The following ZNF28 variants were observed in gnomAD, a reference collection of about 807,000 sequenced individuals.
ZNF28 encodes zinc finger protein KOX24.
A neutral mutation model predicts 7.2 loss-of-function variants in ZNF28; 5 were observed. The observed-to-expected ratio is 0.70, with a 90% CI of 0.36 to 1.46. The LOEUF is 1.46. ZNF28 is among the 40% of genes most tolerant of loss of function. The pLI is 0.03. For synonymous variants in ZNF28, 288 were observed against 292.4 expected (o/e 0.99, Z 0.15); for missense variants, 879 against 866.6 (o/e 1.01, Z -0.18).
At chr19:52,813,764 C>A (rs79092076) in intron 2 of ZNF28, among the ~76,000 whole-genome samples, 4,985 of 146,688 alleles carry the variant, frequency 0.034, 472 homozygotes, top group Middle Eastern at 0.066. Flanking sequence ...AGCAGCTCCA[C>A]TGTAAATTCC....
At position 52,818,155 on chromosome 19, in the gene ZNF28, C is replaced by A. The variant is rs566527983; in HGVS notation, c.-73-124G>T. 2.0e-4 allele frequency: 205 copies of A among 1,047,002 alleles called. No individual in the cohort carries two copies. The African/African-American group carries it at 2.6e-3, about 13-fold the overall frequency. The allele number at this position is 1,047,002 out of a possible 1,614,324, so 64.9% of individuals were successfully genotyped here. A position where few individuals can be genotyped will look rare whatever the true frequency, so the allele number is the denominator to read the frequency against. ...TGGTCCCCTATGCTGCCTACCGCACCACGAACAAAAAATTCCTACAGGAAA... is the reference window on the plus strand; with the variant it reads ...TGGTCCCCTATGCTGCCTACCGCACAACGAACAAAAAATTCCTACAGGAAA... On this transcript the variant is annotated intron_variant, in intron 1 of 3. Transcript: ENST00000457749.
Position 52,798,832 on chromosome 19 carries a change from G to T in ZNF28, c.*856C>A. The T allele has an allele frequency of 9.5e-7, 1 of 1,054,352 alleles. No homozygotes were observed. 65.3% of individuals were successfully genotyped at this position (1,054,352 alleles called of 1,614,324 possible). On this transcript the variant is annotated 3_prime_UTR_variant, in exon 4 of 4. Transcript: ENST00000457749. ...TGGTTGTAGCATTACTGAAAACTTT[G>T]TGACAATCATTATATTAGTCAAGTT...
At chr19:52,809,945 G>T in intron 2 of ZNF28, 1 of 830,800 alleles carries the variant, frequency 1.2e-6, no homozygotes, top group Non-Finnish European at 2.0e-6. Flanking sequence ...AGGTTGCCCC[G>T]GGGGGCGCAG....
At chr19:52,811,190 A>G (rs1412091777) in intron 2 of ZNF28, among the ~76,000 whole-genome samples, 1 of 150,606 alleles carries the variant, frequency 6.6e-6, no homozygotes, top group Non-Finnish European at 1.5e-5. Context: ...TCGTTCACTC[A>G]GTGCTCAATG....
At chr19:52,809,888 G>A (rs1034574524) in intron 2 of ZNF28, 3 of 781,792 alleles carry the variant, frequency 3.8e-6, no homozygotes, top group Admixed American at 2.1e-5. Flanking sequence ...CGGGATCCAG[G>A]CCGGGGCGGC....
Position 52,808,089 on chromosome 19 carries a change from C to T in ZNF28, c.60G>A (p.Glu20=). The T allele has an allele frequency of 4.3e-6, 7 of 1,613,482 alleles. No individual in the cohort carries two copies. Among genetic ancestry groups the T allele is most frequent in the South Asian group, 1.1e-5 (1 of 91,076 alleles). The stretch of plus-strand genomic sequence containing the variant: ...GAGCAGGGTCCAGGCATTTCCACTC[C>T]TCCTGAGAGAATTCTATGGCCACGT... ...FRDVAIEFSQ[E]EWKCLDPAQR... The change falls in exon 3 of 4, where the codon GAG becomes GAA. Residue 20 remains glutamate (E), a synonymous_variant. Transcript: ENST00000457749.
At chr19:52,814,626 C>A (rs563164711) in intron 2 of ZNF28, among the ~76,000 whole-genome samples, 1 of 145,136 alleles carries the variant, frequency 6.9e-6, no homozygotes, top group East Asian at 2.0e-4. Flanking sequence ...GTGGCTCACG[C>A]CTGTGATTTC....
rs757746060 is a variant in ZNF28 at position 52,801,490 on chromosome 19, A to C, written c.355T>G (p.Leu119Val). Residue 119 changes from leucine (L) to valine (V), a missense_variant, in exon 4 of 4, where the codon TTG (leucine) becomes GTG (valine). Physicochemically the swap from Leu to Val is conservative, Grantham distance 32. Around this residue, in one of 2 missense-constraint regions of ZNF28, gnomAD observed 864 missense variants for 830.2 expected, o/e 1.04. Transcript: ENST00000457749. ...TCATGTTGGCCTGTACTACCAGTCA[A>C]CTCTTTGATTTCTGTCATGGGTGCT... ...HAAPMTEIKELTGSTGQHDQR... is the reference protein window; with the variant it reads ...HAAPMTEIKEVTGSTGQHDQR... 1 of 1,613,846 alleles carries C rather than the reference A, an allele frequency of 6.2e-7. No individual in the cohort carries two copies.
At chr19:52,804,198 G>A (rs1305069269) in intron 3 of ZNF28, among the ~76,000 whole-genome samples, 1 of 152,182 alleles carries the variant, frequency 6.6e-6, no homozygotes, top group Non-Finnish European at 1.5e-5. Context: ...GCTGTCACCA[G>A]GAACCAATTT....
Position 52,800,664 on chromosome 19 carries a change from C to A in ZNF28, c.1181G>T (p.Arg394Leu), listed in dbSNP as rs763030309. ...CTTATGTCTTTCAAGATGTGATTTG[C>A]GACTGAAAACTTTTTCACATTCTTC... ...ECEECEKVFS[R>L]KSHLERHKRI... Residue 394 changes from arginine to leucine, a missense_variant, in exon 4 of 4, where the codon CGC (arginine) becomes CTC (leucine). Coordinates refer to ENST00000457749, the MANE Select transcript of ZNF28 (RefSeq NM_006969.5). 87 of 1,613,032 alleles carry A rather than the reference C, an allele frequency of 5.4e-5. No individual in the cohort carries two copies. The highest frequency in any genetic ancestry group is 1.0e-4 in the Admixed American group (6 of 59,916).
intron 2 of ZNF28, among the ~76,000 whole-genome samples, chr19:52,816,115 AG>A (rs1199532584): frequency 6.8e-6 from 1 of 147,458 alleles, no homozygotes; most frequent in East Asian, 2.0e-4. Context: ...AGGATGTGAC[AG>A]GGAAAGGAGA....
chr19:52,802,423 T>A (rs112344957), intron 3 of ZNF28, among the ~76,000 whole-genome samples: 3,215 of 151,922 alleles, frequency 0.021, 122 homozygotes, highest in African/African-American at 0.074. Context: ...CTCATGCCTG[T>A]AATCCCAGTA....
At chr19:52,810,446 A>G in intron 2 of ZNF28, 1 of 1,598,526 alleles carries the variant, frequency 6.3e-7, no homozygotes, top group Non-Finnish European at 8.6e-7. Context: ...TTGCATATAT[A>G]GAGTTCTCAA....
In ZNF28 at chr19:52,803,496, G is replaced by A. The variant is rs145752692; in HGVS notation, c.143-1794C>T. 2.7e-4 allele frequency among the ~76,000 whole-genome samples: 41 copies of A among 152,138 alleles called. No homozygotes were observed. In the East Asian group the frequency reaches 7.7e-3, roughly 29 times the overall value. On this transcript the variant is annotated intron_variant, in intron 3 of 3. Coordinates refer to ENST00000457749, the MANE Select transcript of ZNF28 (RefSeq NM_006969.5). ...AATATTGCAACCCATGATAAAACAA[G>A]CAAGAAAATAACAAGTAGATTTATA...
In ZNF28 at chr19:52,799,818, G is replaced by A; in HGVS notation, c.2027C>T (p.Ala676Val). The stretch of plus-strand genomic sequence containing the variant: ...AACTCTCTGATGCTGTGCAAGGTGT[G>A]CTTGTTGATTAAAAACCTTGCCACA... ...NECGKVFNQQ[A>V]HLAQHQRVHT... Residue 676 changes from alanine to valine, a missense_variant, in exon 4 of 4, where the codon GCA (alanine) becomes GTA (valine). By Grantham distance (64) the Ala-to-Val change is moderately conservative (BLOSUM62 0). Coordinates refer to ENST00000457749, the MANE Select transcript of ZNF28 (RefSeq NM_006969.5). The A allele has an allele frequency of 1.9e-6, 3 of 1,614,012 alleles. No individual in the cohort carries two copies. The highest frequency in any genetic ancestry group is 2.5e-6 in the Non-Finnish European group (3 of 1,179,990).
At chr19:52,820,387 G>A (rs1461334090) in intron 1 of ZNF28, among the ~76,000 whole-genome samples, 2 of 123,846 alleles carry the variant, frequency 1.6e-5, no homozygotes, top group East Asian at 2.3e-4. Context: ...AAAGTGCTGG[G>A]ATTACAGGCG....
chr19:52,820,862 T>G (rs1453926569), intron 1 of ZNF28, among the ~76,000 whole-genome samples: 1 of 152,086 alleles, frequency 6.6e-6, no homozygotes, highest in African/African-American at 2.4e-5. Flanking sequence ...TCTTTCTCAT[T>G]CTTCTTTTCT....
intron 2 of ZNF28, chr19:52,810,625 T>C: frequency 1.4e-6 from 2 of 1,434,022 alleles, no homozygotes; most frequent in Non-Finnish European, 2.0e-6. Context: ...CTGCTCTCCA[T>C]TCTACAGTGG....
At chr19:52,813,389 G>A (rs952593435) in intron 2 of ZNF28, among the ~76,000 whole-genome samples, 5 of 151,762 alleles carry the variant, frequency 3.3e-5, no homozygotes, top group Non-Finnish European at 7.4e-5. Context: ...CTGGGGATTC[G>A]CCATGGACAC....
Sources: gnomAD v4.1 joint callset for allele counts (sites outside exome capture counted in the v4.1 genomes callset) on GRCh38, gnomAD v4.1.1 for gene constraint, gnomAD v4.1.1 regional missense constraint, MANE v1.5 for transcripts, NCBI Gene and HGNC (gene_info 2026-07-23, HGNC 2026-07-21) for gene names.